Variants in DORIP1 observed in about 807,000 individuals in gnomAD.
DORIP1 encodes the protein dopamine receptor-interacting protein 1.
At chr14:44,903,063 T>G in the DORIP1 span, 1 of 557,230 alleles carries the variant, frequency 1.8e-6, no homozygotes, top group African/African-American at 1.9e-5. Flanking sequence ...CTATACTATC[T>G]GCAAGAAATT....
At chr14:44,897,498 C>A in the DORIP1 span, 1 of 204,486 alleles carries the variant, frequency 4.9e-6, no homozygotes, top group Non-Finnish European at 9.6e-6. Flanking sequence ...CGGCGGCAGC[C>A]CGGGCTCTCC....
At chr14:44,905,377 G>T in the DORIP1 span, 1 of 1,508,796 alleles carries the variant, frequency 6.6e-7, no homozygotes. Flanking sequence ...GTATTTGTTG[G>T]AAGGTGCCAC....
the DORIP1 span, among the ~76,000 whole-genome samples, chr14:44,901,255 G>A: frequency 2.0e-5 from 3 of 152,154 alleles, no homozygotes; most frequent in African/African-American, 7.2e-5. Context: ...ATACCATCTA[G>A]TTTTGTGTAA....
the DORIP1 span, chr14:44,904,624 A>C: frequency 8.3e-7 from 1 of 1,206,738 alleles, no homozygotes; most frequent in South Asian, 1.8e-5. Flanking sequence ...GATATTGTTG[A>C]AAACAATCAT....
At chr14:44,904,287 C>T in the DORIP1 span, 1 of 1,489,638 alleles carries the variant, frequency 6.7e-7, no homozygotes, top group African/African-American at 1.4e-5. Context: ...TTACCTACAC[C>T]TATAATAGAT....
At chr14:44,899,371 A>G in the DORIP1 span, 4 of 152,228 alleles carry the variant, frequency 2.6e-5, no homozygotes, top group Admixed American at 2.0e-4. Context: ...TCAGATCTTC[A>G]TAGTATAGCC....
the DORIP1 span, chr14:44,903,780 TTC>T: frequency 1.0e-5 from 10 of 969,946 alleles, no homozygotes; most frequent in African/African-American, 1.6e-4. Context: ...TAAAAATATG[TTC>T]TGTTAATTGT....
At chr14:44,900,897 C>T in the DORIP1 span, 1 of 1,611,834 alleles carries the variant, frequency 6.2e-7, no homozygotes, top group Non-Finnish European at 8.5e-7. Context: ...AAGAGAGTTA[C>T]TGTTCCAACT....
the DORIP1 span, among the ~76,000 whole-genome samples, chr14:44,900,073 G>A: frequency 6.6e-6 from 1 of 151,852 alleles, no homozygotes; most frequent in Non-Finnish European, 1.5e-5. Flanking sequence ...TCAGGTGATC[G>A]CCCGCCTCAG....
the DORIP1 span, chr14:44,904,110 T>C: frequency 7.1e-6 from 7 of 985,232 alleles, no homozygotes; most frequent in African/African-American, 1.0e-4. Flanking sequence ...TAAAAGCGTT[T>C]GTATCAGTTC....
At chr14:44,906,372 G>T in the DORIP1 span, 1 of 151,986 alleles carries the variant, frequency 6.6e-6, no homozygotes, top group Non-Finnish European at 1.5e-5. Context: ...TGTCGGACTA[G>T]CAATAGAAAT....
At chr14:44,903,414 T>G in the DORIP1 span, 1 of 1,465,966 alleles carries the variant, frequency 6.8e-7, no homozygotes. Context: ...TATGACATTT[T>G]ACAGTGTTTT....
chr14:44,903,978 C>T, the DORIP1 span: 1 of 977,620 alleles, frequency 1.0e-6, no homozygotes, highest in Non-Finnish European at 1.2e-6. Flanking sequence ...TACTTAATAC[C>T]TCATAATATG....
the DORIP1 span, chr14:44,901,003 A>G: frequency 2.0e-6 from 3 of 1,523,938 alleles, no homozygotes; most frequent in East Asian, 6.8e-5. Context: ...ACTTTTTTTA[A>G]TGAATGTTGC....
chr14:44,900,321 A>T, the DORIP1 span: 1 of 1,040,852 alleles, frequency 9.6e-7, no homozygotes, highest in Non-Finnish European at 1.3e-6. Context: ...GGGAGGCCTA[A>T]TAACCACATT....
At chr14:44,897,467 A>AGGCGGC in the DORIP1 span, 3 of 212,262 alleles carry the variant, frequency 1.4e-5, no homozygotes, top group Admixed American at 6.3e-5. Flanking sequence ...CTCATAGATG[A>AGGCGGC]GGCAGCGGCG....
At chr14:44,906,828 AATGG>A in the DORIP1 span, 1 of 152,604 alleles carries the variant, frequency 6.6e-6, no homozygotes, top group Non-Finnish European at 1.5e-5. Flanking sequence ...CTTACCCAAG[AATGG>A]ATAAATATGG....
the DORIP1 span, chr14:44,906,085 C>A: frequency 6.7e-6 from 1 of 149,884 alleles, no homozygotes; most frequent in Non-Finnish European, 1.5e-5. Flanking sequence ...TGCCTAGTAT[C>A]CCTGCAGCAA....
At chr14:44,905,227 G>T in the DORIP1 span, 14 of 498,814 alleles carry the variant, frequency 2.8e-5, no homozygotes, top group Non-Finnish European at 4.0e-5. Flanking sequence ...TTTATTACAT[G>T]ATCTATAGAG....
Sources: allele counts gnomAD v4.1 joint callset (sites outside exome capture counted in the v4.1 genomes callset), GRCh38; gene constraint gnomAD v4.1.1; transcripts MANE v1.5; gene names NCBI Gene and HGNC (gene_info 2026-07-23, HGNC 2026-07-21).